MCCC1: variants seen among roughly 807,000 people sequenced by gnomAD.
MCCC1 encodes methylcrotonoyl-CoA carboxylase subunit alpha, mitochondrial.
Under a neutral mutation model 83.8 loss-of-function variants are expected in MCCC1, and 64 were observed. That is an observed-to-expected ratio of 0.76 (90% confidence interval 0.62 to 0.94). The LOEUF is 0.94. Ranked by LOEUF, MCCC1 falls within the 40% of genes least tolerant of loss-of-function variation. The pLI is 0.00. For synonymous variants in MCCC1, 322 were observed against 315.4 expected (o/e 1.02, Z -0.22); for missense variants, 807 against 904.7 (o/e 0.89, Z 1.39).
chr3:183,087,992 A>C (rs1214380137), intron 3 of MCCC1, among the ~76,000 whole-genome samples: 1 of 152,002 alleles, frequency 6.6e-6, no homozygotes, highest in Non-Finnish European at 1.5e-5. Context: ...AACCTACATA[A>C]AGGTGGGAGG....
intron 15 of MCCC1, among the ~76,000 whole-genome samples, chr3:183,025,527 A>T (rs950406045): frequency 6.6e-6 from 1 of 152,200 alleles, no homozygotes; most frequent in African/African-American, 2.4e-5. Context: ...CTTTTTGCCA[A>T]GTTTTTATTC....
upstream of MCCC1, chr3:183,099,559 A>T: frequency 8.1e-7 from 1 of 1,231,226 alleles, no homozygotes; most frequent in Non-Finnish European, 1.1e-6. Flanking sequence ...TCGGAGCCTG[A>T]GCCTACCTTT....
At chr3:183,076,791 A>G (rs1054480712) in intron 4 of MCCC1, among the ~76,000 whole-genome samples, 1 of 152,208 alleles carries the variant, frequency 6.6e-6, no homozygotes, top group Non-Finnish European at 1.5e-5. Context: ...TAGTATACTC[A>G]AAGTCGCACA....
intron 9 of MCCC1, among the ~76,000 whole-genome samples, chr3:183,049,049 A>G (rs1303428751): frequency 6.6e-6 from 1 of 152,172 alleles, no homozygotes; most frequent in African/African-American, 2.4e-5. Flanking sequence ...ATTCTCAACT[A>G]AATAAAAATA....
chr3:183,114,153 G>A (rs1255753354), intron 1 of MCCC1, among the ~76,000 whole-genome samples: 1 of 152,186 alleles, frequency 6.6e-6, no homozygotes, highest in Non-Finnish European at 1.5e-5. Flanking sequence ...GAATTCGTCT[G>A]ATTGATAACG....
At chr3:183,028,885 C>T (rs1577250600) in intron 14 of MCCC1, among the ~76,000 whole-genome samples, 1 of 152,314 alleles carries the variant, frequency 6.6e-6, no homozygotes, top group East Asian at 1.9e-4. Context: ...TCACAGCCAT[C>T]AACATTGAGG....
intron 2 of MCCC1, 43 bp from the exon 3 acceptor site, chr3:183,092,588 G>A: frequency 1.2e-6 from 2 of 1,612,448 alleles, no homozygotes; most frequent in Non-Finnish European, 1.7e-6. Flanking sequence ...TGTTACTGGA[G>A]AGCAAAGAAT....
At position 183,099,342 on chromosome 3, in the gene MCCC1, C is replaced by T. The variant is rs1718981184; in HGVS notation, c.89+10G>A. The T allele has an allele frequency of 6.3e-7, 1 of 1,590,306 alleles. No homozygotes were observed. Among genetic ancestry groups the T allele is most frequent in the Non-Finnish European group, 8.5e-7 (1 of 1,170,940 alleles). Reference sequence around the variant, plus strand: ...GCCTCTGCCCACTGAGCCATGGCCCCTCCACCCACCTCGGCGGCAGGAGCA... The same window carrying T: ...GCCTCTGCCCACTGAGCCATGGCCCTTCCACCCACCTCGGCGGCAGGAGCA... On this transcript the variant is annotated intron_variant, in intron 1 of 18. Coordinates refer to ENST00000265594, the MANE Select transcript of MCCC1 (RefSeq NM_020166.5).
chr3:183,042,080 GT>G (rs967027889), intron 10 of MCCC1, among the ~76,000 whole-genome samples: 1 of 152,054 alleles, frequency 6.6e-6, no homozygotes, highest in Admixed American at 6.5e-5. Flanking sequence ...CACACTCTCA[GT>G]TTTCATTTAA....
rs558412878 is a variant in MCCC1 at position 183,078,002 on chromosome 3, G to A, written c.370-5515C>T. 3.9e-5 allele frequency among the ~76,000 whole-genome samples: 6 copies of A among 152,072 alleles called. No homozygotes were observed. In the South Asian group the frequency reaches 1.0e-3, roughly 26 times the overall value. ...GTTTTTATCCTTATACCAATACCACGCTGTTTTGGTTATTGTAGCTTTATA... is the reference window on the plus strand; with the variant it reads ...GTTTTTATCCTTATACCAATACCACACTGTTTTGGTTATTGTAGCTTTATA... On this transcript the variant is annotated intron_variant, in intron 4 of 18. Transcript: ENST00000265594.
chr3:183,092,626 T>C, intron 2 of MCCC1, 81 bp from the exon 3 acceptor site: 1 of 1,566,992 alleles, frequency 6.4e-7, no homozygotes, highest in Non-Finnish European at 8.7e-7. Flanking sequence ...CTTAACTGGC[T>C]GATAAGGACT....
chr3:183,078,409 C>A (rs947136422), intron 4 of MCCC1, among the ~76,000 whole-genome samples: 3 of 152,084 alleles, frequency 2.0e-5, no homozygotes, highest in Admixed American at 6.5e-5. Context: ...GGCTTTTTGG[C>A]TATTTTAGGA....
intron 4 of MCCC1, among the ~76,000 whole-genome samples, chr3:183,079,707 G>C (rs1297248802): frequency 6.6e-6 from 1 of 152,214 alleles, no homozygotes; most frequent in Non-Finnish European, 1.5e-5. Context: ...GACTCTGTGT[G>C]GGGGCTCTGA....
intron 9 of MCCC1, among the ~76,000 whole-genome samples, chr3:183,049,834 T>C (rs1257537220): frequency 6.6e-6 from 1 of 152,196 alleles, no homozygotes; most frequent in Non-Finnish European, 1.5e-5. Flanking sequence ...AGAGAGAACC[T>C]AGGGCCAGGT....
At position 183,020,646 on chromosome 3, in the gene MCCC1, T is replaced by TTAGTCACCATTAATACCAGGGTTCTAATC. The variant is rs1486662614; in HGVS notation, c.1870-438_1870-410dup. Among the ~76,000 whole-genome samples, 6 of 151,154 alleles carry TTAGTCACCATTAATACCAGGGTTCTAATC rather than the reference T, an allele frequency of 4.0e-5. No homozygotes were observed. In the East Asian group the frequency reaches 1.2e-3, roughly 30 times the overall value. On this transcript the variant is annotated intron_variant, in intron 16 of 18. Coordinates refer to ENST00000265594, the MANE Select transcript of MCCC1 (RefSeq NM_020166.5). ...ACTCTGACTCAAAAAAAAAAATAAATTAGTCACCATTAATACCAGGGTTCT... is the reference window on the plus strand; with the variant it reads ...ACTCTGACTCAAAAAAAAAAATAAATTAGTCACCATTAATACCAGGGTTCTAATCTAGTCACCATTAATACCAGGGTTCT...
intron 4 of MCCC1, among the ~76,000 whole-genome samples, chr3:183,082,683 G>A (rs752835534): frequency 3.3e-5 from 5 of 152,152 alleles, no homozygotes; most frequent in Admixed American, 2.6e-4. Context: ...ACTGGCAATC[G>A]AGAGAACGAG....
chr3:183,057,164 G>T lies in MCCC1; in HGVS notation c.873+147C>A, dbSNP rs146971631. ...CTCCTCATCCCCAATACCACAGGAG[G>T]TCTTTTCACTACACTGCTATTAGGC... On this transcript the variant is annotated intron_variant, in intron 8 of 18. Coordinates refer to ENST00000265594, the MANE Select transcript of MCCC1 (RefSeq NM_020166.5). 569 of 697,182 alleles carry T rather than the reference G, an allele frequency of 8.2e-4. 8 individuals carry two copies. The East Asian group carries it at 0.015, about 19-fold the overall frequency. The allele number at this position is 697,182 out of a possible 1,614,324, so 43.2% of individuals were successfully genotyped here.
At chr3:183,055,366 C>T (rs1457205587) in intron 8 of MCCC1, among the ~76,000 whole-genome samples, 1 of 151,934 alleles carries the variant, frequency 6.6e-6, no homozygotes, top group Non-Finnish European at 1.5e-5. Context: ...GCTGAGATCG[C>T]GCCACTGCAC....
Position 183,057,287 on chromosome 3 carries a change from C to T in MCCC1, c.873+24G>A, listed in dbSNP as rs764097049. 3 of 1,534,402 alleles carry T rather than the reference C, an allele frequency of 2.0e-6. No homozygotes were observed. In the South Asian group the frequency reaches 3.5e-5, roughly 18 times the overall value. On this transcript the variant is annotated intron_variant, in intron 8 of 18. Coordinates refer to ENST00000265594, the MANE Select transcript of MCCC1 (RefSeq NM_020166.5). ...AAGATTCACATTACGGAGAAGCTTA[C>T]AAATTTCTTTCCAAGGTCCTTACCG... is the stretch of plus-strand genomic sequence containing the variant.
Sources: gnomAD v4.1 joint callset for allele counts (sites outside exome capture counted in the v4.1 genomes callset) on GRCh38, gnomAD v4.1.1 for gene constraint, MANE v1.5 for transcripts, NCBI Gene and HGNC (gene_info 2026-07-23, HGNC 2026-07-21) for gene names.